CYP11B2: variants seen among roughly 807,000 people sequenced by gnomAD.
CYP11B2 encodes cytochrome P450 family 11 subfamily B member 2.
CYP11B2 carries 38 observed loss-of-function variants against 49.3 expected under a neutral mutation model. The ratio of observed to expected loss-of-function variants is 0.77; its 90% confidence interval spans 0.59 to 1.01. The LOEUF (loss-of-function observed/expected upper bound fraction) is 1.01. Ranked by LOEUF, CYP11B2 falls within the 50% of genes least tolerant of loss-of-function variation. CYP11B2 has a pLI of 0.00. For synonymous variants in CYP11B2, 290 were observed against 269.3 expected (o/e 1.08, Z -0.75); for missense variants, 669 against 655.5 (o/e 1.02, Z -0.23).
chr8:142,912,422 C>T lies in CYP11B2; in HGVS notation c.1398+108G>A, dbSNP rs925899813. 5 of 1,248,322 alleles carry T rather than the reference C, an allele frequency of 4.0e-6. No homozygotes were observed. In the African/African-American group the frequency reaches 7.4e-5, roughly 18 times the overall value. The allele number at this position is 1,248,322 out of a possible 1,614,324, so 77.3% of individuals were successfully genotyped here. On this transcript the variant is annotated intron_variant, in intron 8 of 8. Coordinates refer to ENST00000323110, the MANE Select transcript of CYP11B2 (RefSeq NM_000498.3). ...TCACGCCGACCTCAACCAACCAAGGCCCCATCCACTGTTCCCAGGTGTCAA... is the reference window on the plus strand; with the variant it reads ...TCACGCCGACCTCAACCAACCAAGGTCCCATCCACTGTTCCCAGGTGTCAA...
chr8:142,914,186 C>G (rs1266807372), intron 5 of CYP11B2, 78 bp downstream of exon 5: 2 of 1,540,292 alleles, frequency 1.3e-6, no homozygotes, highest in African/African-American at 2.7e-5. Context: ...ACGTGGGTGC[C>G]GTGTGGCATT....
rs759384300 is a variant in CYP11B2, at chr8:142,913,397, G to A, written c.1009C>T (p.Gln337Ter). 1 of 1,614,002 alleles carries A rather than the reference G, an allele frequency of 6.2e-7. No homozygotes were observed. Among genetic ancestry groups the A allele is most frequent in the East Asian group, 2.2e-5 (1 of 44,866 alleles). Residue 337 changes from glutamine to a stop codon, truncating the protein, a stop_gained, in exon 6 of 9, where the codon CAG becomes TAG. Transcript: ENST00000323110. LOFTEE classifies it high-confidence loss of function. ...AGGCTCTCCTGGCGCAGGATCTGCT[G>A]CACGTCGGGGTTCCGAGCCAGCTCA... ...LFELARNPDV[Q>*]QILRQESLAA... is the part of the protein sequence containing the mutation.
In CYP11B2 at chr8:142,913,399, A is replaced by G. The variant is rs1029475315; in HGVS notation, c.1007T>C (p.Val336Ala). 4 of 1,613,836 alleles carry G rather than the reference A, an allele frequency of 2.5e-6. No individual in the cohort carries two copies. The African/African-American group carries it at 4.0e-5, about 16-fold the overall frequency. ...TLFELARNPDVQQILRQESLA... is the reference protein window; with the variant it reads ...TLFELARNPDAQQILRQESLA... ...GCTCTCCTGGCGCAGGATCTGCTGC[A>G]CGTCGGGGTTCCGAGCCAGCTCAAA... Residue 336 changes from valine (V) to alanine (A), a missense_variant, in exon 6 of 9, where the codon GTG (valine) becomes GCG (alanine). By Grantham distance (64) the Val-to-Ala change is moderately conservative. Transcript: ENST00000323110.
chr8:142,912,338 G>A (rs1183229579), intron 8 of CYP11B2, among the ~76,000 whole-genome samples, 192 bp downstream of exon 8: 3 of 151,970 alleles, frequency 2.0e-5, no homozygotes, highest in African/African-American at 7.3e-5. Flanking sequence ...CCATTTCAAT[G>A]TTTAGAAGCA....
chr8:142,913,461 C>A lies in CYP11B2; in HGVS notation c.955-10G>T, dbSNP rs761292212. 2.2e-5 allele frequency: 35 copies of A among 1,613,914 alleles called. No individual in the cohort carries two copies. The highest frequency in any genetic ancestry group is 2.7e-5 in the African/African-American group (2 of 74,910). On this transcript the variant is annotated splice_polypyrimidine_tract_variant and intron_variant, in intron 5 of 8. Transcript: ENST00000323110. ...GCAAGGGAAACGCTGTCTACAGAAG[C>A]CATGTCTGCAGGGTCAGACCTTGCA...
Position 142,913,285 on chromosome 8 carries a change from C to A in CYP11B2, c.1121G>T (p.Arg374Leu). ...CAGGGAGGCCTCAGCCAGCACCCAC[C>A]GCAAGGTCTCCTTGAGGGCCGCCCG... is the stretch of plus-strand genomic sequence containing the variant. ...LLRAALKETL[R>L]LYPVGLFLER... Residue 374 changes from arginine (R) to leucine (L), a missense_variant and splice_region_variant, in exon 6 of 9, where the codon CGG (arginine) becomes CTG (leucine). Physicochemically the swap from Arg to Leu is moderately radical, Grantham distance 102 (BLOSUM62 -2). Transcript: ENST00000323110. The A allele has an allele frequency of 6.2e-7, 1 of 1,613,308 alleles. No individual in the cohort carries two copies. Among genetic ancestry groups the A allele is most frequent in the Non-Finnish European group, 8.5e-7 (1 of 1,179,902 alleles).
chr8:142,917,131 G>A lies in CYP11B2; in HGVS notation c.323C>T (p.Pro108Leu), dbSNP rs909005694. The A allele has an allele frequency of 3.1e-6, 5 of 1,614,076 alleles. No individual in the cohort carries two copies. Among genetic ancestry groups the A allele is most frequent in the African/African-American group, 1.3e-5 (1 of 74,924 alleles). ...EKLQQVDSLH[P>L]CRMILEPWVA... is the part of the protein sequence containing the mutation. Reference sequence around the variant, plus strand: ...CCAGGGCTCCAGGATCATCCTGCAGGGATGCAGGCTGTCCACCTGTTGCAG... The same window carrying A: ...CCAGGGCTCCAGGATCATCCTGCAGAGATGCAGGCTGTCCACCTGTTGCAG... Residue 108 changes from proline to leucine, a missense_variant, in exon 2 of 9, where the codon CCC (proline) becomes CTC (leucine). Transcript: ENST00000323110.
At position 142,912,100 on chromosome 8, in the gene CYP11B2, C is replaced by G; in HGVS notation, c.1399-7G>C. On this transcript the variant is annotated splice_region_variant and splice_polypyrimidine_tract_variant and intron_variant, in intron 8 of 8. Transcript: ENST00000323110. Reference sequence around the variant, plus strand: ...CCAGGAAGTGCTTCAGCACCTAGGACAGAGGCTGGGTTTCCATCTGGCCTG... The same window carrying G: ...CCAGGAAGTGCTTCAGCACCTAGGAGAGAGGCTGGGTTTCCATCTGGCCTG... The G allele has an allele frequency of 4.3e-6, 7 of 1,613,986 alleles. No homozygotes were observed. Among genetic ancestry groups the G allele is most frequent in the South Asian group, 1.1e-5 (1 of 91,080 alleles).
At chr8:142,916,923 G>A in intron 2 of CYP11B2, 136 bp downstream of exon 2, 3 of 1,380,380 alleles carry the variant, frequency 2.2e-6, no homozygotes, top group Non-Finnish European at 2.0e-6. Context: ...CCGTCCTCTG[G>A]GCCGGGTGCT....
chr8:142,914,187 G>C, intron 5 of CYP11B2, 77 bp downstream of exon 5: 1 of 1,539,106 alleles, frequency 6.5e-7, no homozygotes, highest in South Asian at 1.1e-5. Context: ...CGTGGGTGCC[G>C]TGTGGCATTG....
rs377490679 is a variant in CYP11B2, at chr8:142,913,429, G to A, written c.977C>T (p.Thr326Met). The A allele has an allele frequency of 1.8e-4, 295 of 1,614,048 alleles. No individual in the cohort carries two copies. Among genetic ancestry groups the A allele is most frequent in the South Asian group, 3.6e-4 (33 of 91,088 alleles). Residue 326 changes from threonine (T) to methionine (M), a missense_variant, in exon 6 of 9, where the codon ACG becomes ATG. Transcript: ENST00000323110. The stretch of plus-strand genomic sequence containing the variant: ...GGGGTTCCGAGCCAGCTCAAAGAGC[G>A]TCATCAGCAAGGGAAACGCTGTCTA... ...VDTTAFPLLM[T>M]LFELARNPDV...
At position 142,913,277 on chromosome 8, in the gene CYP11B2, G is replaced by C. The variant is rs1343556250; in HGVS notation, c.1121+8C>G. On this transcript the variant is annotated splice_region_variant and intron_variant, in intron 6 of 8. Coordinates refer to ENST00000323110, the MANE Select transcript of CYP11B2 (RefSeq NM_000498.3). The stretch of plus-strand genomic sequence containing the variant: ...CAGGGCCACAGGGAGGCCTCAGCCA[G>C]CACCCACCGCAAGGTCTCCTTGAGG... 3 of 1,612,860 alleles carry C rather than the reference G, an allele frequency of 1.9e-6. No homozygotes were observed. Among genetic ancestry groups the C allele is most frequent in the East Asian group, 2.2e-5 (1 of 44,816 alleles).
intron 2 of CYP11B2, chr8:142,916,519 T>C (rs10099658): frequency 0.32 from 101,349 of 313,896 alleles, 28,027 homozygotes; most frequent in Middle Eastern, 0.41. Flanking sequence ...CGCCCCACCT[T>C]GTGCCTTGCT....
intron 5 of CYP11B2, 168 bp downstream of exon 5, chr8:142,914,096 C>T (rs72693039): frequency 0.041 from 32,372 of 784,112 alleles, 824 homozygotes; most frequent in Middle Eastern, 0.056. Flanking sequence ...TTCCCCTCCC[C>T]TGCAAATCTC....
chr8:142,916,614 C>T, intron 2 of CYP11B2: 1 of 397,290 alleles, frequency 2.5e-6, no homozygotes, highest in South Asian at 1.9e-5. Context: ...TTTGCCAGGA[C>T]TGCAGGGACC....
chr8:142,917,658 A>G lies in CYP11B2; in HGVS notation c.183T>C (p.Tyr61=). The change falls in exon 1 of 9, where the codon TAT becomes TAC. Residue 61 remains tyrosine (Y), a synonymous_variant. Transcript: ENST00000323110. ...RLLQIWREQG[Y]EHLHLEMHQT... ...GGTGCATCTCCAGGTGCAGGTGCTC[A>G]TAACCCTGCTCCCTCCAGATCTGCA... 6.2e-7 allele frequency: 1 copy of G among 1,614,228 alleles called. No individual in the cohort carries two copies. Among genetic ancestry groups the G allele is most frequent in the Non-Finnish European group, 8.5e-7 (1 of 1,180,038 alleles).
intron 8 of CYP11B2, 54 bp downstream of exon 8, chr8:142,912,476 T>C: frequency 3.2e-6 from 5 of 1,571,476 alleles, no homozygotes; most frequent in Non-Finnish European, 4.4e-6. Flanking sequence ...GCCCCCAGTG[T>C]GCAGGTCCCG....
rs1442525444 is a variant in CYP11B2 at position 142,917,216 on chromosome 8, T to C, written c.240-2A>G. 1 of 1,613,754 alleles carries C rather than the reference T, an allele frequency of 6.2e-7. No individual in the cohort carries two copies. The highest frequency in any genetic ancestry group is 1.3e-5 in the African/African-American group (1 of 74,930). The stretch of plus-strand genomic sequence containing the variant: ...ATGCGTGGTCCTCCCAAGTTGTACC[T>C]GTGGGGCCAAGCAGGAGGCCCTGCT... On this transcript the variant is annotated splice_acceptor_variant, in intron 1 of 8. Coordinates refer to ENST00000323110, the MANE Select transcript of CYP11B2 (RefSeq NM_000498.3). LOFTEE classifies it high-confidence loss of function.
Position 142,912,557 on chromosome 8 carries a change from C to G in CYP11B2, c.1371G>C (p.Glu457Asp), listed in dbSNP as rs1817555101. The change falls in exon 8 of 9, where the codon GAG (glutamate) becomes GAC (aspartate). Residue 457 changes from glutamate to aspartate, a missense_variant. By Grantham distance (45) the Glu-to-Asp change is conservative (BLOSUM62 2). Coordinates refer to ENST00000323110, the MANE Select transcript of CYP11B2 (RefSeq NM_000498.3). ...GGTGCAGCAGCAGCAGCATCTCTGC[C>G]TCTGCCAGGCGCCGCCCGAGGCACT... ...MRQCLGRRLA[E>D]AEMLLLLHHV... 1 of 1,613,886 alleles carries G rather than the reference C, an allele frequency of 6.2e-7. No individual in the cohort carries two copies. Among genetic ancestry groups the G allele is most frequent in the Non-Finnish European group, 8.5e-7 (1 of 1,180,020 alleles).
Sources: allele counts gnomAD v4.1 joint callset (sites outside exome capture counted in the v4.1 genomes callset), GRCh38; gene constraint gnomAD v4.1.1; transcripts MANE v1.5; gene names NCBI Gene and HGNC (gene_info 2026-07-23, HGNC 2026-07-21).